Variants in ABTB3 observed in about 807,000 individuals in gnomAD.
ABTB3 encodes ankyrin repeat and BTB domain containing 3.
the ABTB3 span, among the ~76,000 whole-genome samples, chr12:107,341,208 T>A: frequency 1.3e-5 from 2 of 152,166 alleles, no homozygotes; most frequent in African/African-American, 4.8e-5. Flanking sequence ...ATGGTTTTGC[T>A]CCTGACACAC....
At chr12:107,507,573 C>T in the ABTB3 span, among the ~76,000 whole-genome samples, 359 of 152,272 alleles carry the variant, frequency 2.4e-3, 1 homozygote, top group Non-Finnish European at 4.5e-3. Context: ...CAGTGATATA[C>T]GAGCCCCTCA....
the ABTB3 span, among the ~76,000 whole-genome samples, chr12:107,519,331 CT>C: frequency 1.3e-3 from 177 of 139,982 alleles, no homozygotes; most frequent in African/African-American, 1.3e-3. Context: ...TTTTCTTTTT[CT>C]TTTTTTTTTT....
At chr12:107,384,464 C>G in the ABTB3 span, among the ~76,000 whole-genome samples, 1 of 152,172 alleles carries the variant, frequency 6.6e-6, no homozygotes, top group East Asian at 1.9e-4. Context: ...TCTTTGTTCC[C>G]TAAGTGCATC....
chr12:107,330,458 G>A, the ABTB3 span, among the ~76,000 whole-genome samples: 1 of 152,144 alleles, frequency 6.6e-6, no homozygotes, highest in African/African-American at 2.4e-5. Flanking sequence ...AATAAGTAGA[G>A]AACTCAATTT....
the ABTB3 span, among the ~76,000 whole-genome samples, chr12:107,359,766 GC>G: frequency 6.6e-6 from 1 of 152,062 alleles, no homozygotes; most frequent in East Asian, 1.9e-4. Context: ...AAAAAGCCAA[GC>G]CTCAGGGACT....
chr12:107,482,724 C>T, the ABTB3 span, among the ~76,000 whole-genome samples: 1 of 152,074 alleles, frequency 6.6e-6, no homozygotes. Flanking sequence ...TATAGGATAT[C>T]TCCTCTTCCT....
At chr12:107,320,399 C>A in the ABTB3 span, among the ~76,000 whole-genome samples, 1 of 152,248 alleles carries the variant, frequency 6.6e-6, no homozygotes, top group Non-Finnish European at 1.5e-5. Context: ...AGATCATTTG[C>A]GCTTAGTACA....
chr12:107,353,160 T>C, the ABTB3 span, among the ~76,000 whole-genome samples: 4 of 152,132 alleles, frequency 2.6e-5, no homozygotes, highest in South Asian at 8.3e-4. Flanking sequence ...TCTTTGGAGT[T>C]TCTGAACAGC....
At chr12:107,424,826 A>G in the ABTB3 span, among the ~76,000 whole-genome samples, 1 of 151,960 alleles carries the variant, frequency 6.6e-6, no homozygotes, top group East Asian at 1.9e-4. Flanking sequence ...CCAGCTCCTC[A>G]CCTGAACTCC....
the ABTB3 span, among the ~76,000 whole-genome samples, chr12:107,517,320 C>T: frequency 6.6e-6 from 1 of 152,152 alleles, no homozygotes; most frequent in Non-Finnish European, 1.5e-5. Flanking sequence ...CAGCTTTGTT[C>T]TTTTGGCTTA....
chr12:107,424,575 G>A, the ABTB3 span, among the ~76,000 whole-genome samples: 11 of 152,310 alleles, frequency 7.2e-5, no homozygotes, highest in East Asian at 5.8e-4. Flanking sequence ...CTTTGAATGC[G>A]TGGCTCCATC....
the ABTB3 span, chr12:107,642,059 T>C: frequency 6.2e-7 from 1 of 1,600,516 alleles, no homozygotes. Flanking sequence ...TGTGTGAGTC[T>C]TTTTTATCTC....
At chr12:107,475,057 A>AT in the ABTB3 span, among the ~76,000 whole-genome samples, 1 of 152,152 alleles carries the variant, frequency 6.6e-6, no homozygotes, top group African/African-American at 2.4e-5. Context: ...TCTCAGGGTG[A>AT]TTTTTTAAGT....
chr12:107,564,187 G>A, the ABTB3 span, among the ~76,000 whole-genome samples: 1 of 150,102 alleles, frequency 6.7e-6, no homozygotes, highest in Non-Finnish European at 1.5e-5. Flanking sequence ...GTTGGGAGGG[G>A]CTCTGAAAGT....
chr12:107,619,905 C>T, the ABTB3 span: 1 of 1,344,580 alleles, frequency 7.4e-7, no homozygotes, highest in Non-Finnish European at 9.9e-7. Flanking sequence ...AAAAACTCGC[C>T]TGCTCCTCTG....
At chr12:107,437,797 A>G in the ABTB3 span, among the ~76,000 whole-genome samples, 1 of 152,148 alleles carries the variant, frequency 6.6e-6, no homozygotes, top group Non-Finnish European at 1.5e-5. Flanking sequence ...AATTTAATTA[A>G]TTATATCCAC....
At chr12:107,504,380 A>AACAC in the ABTB3 span, among the ~76,000 whole-genome samples, 152 of 150,998 alleles carry the variant, frequency 1.0e-3, 1 homozygote, top group African/African-American at 3.2e-3. Flanking sequence ...CATGCCCGTA[A>AACAC]ACACACACAC....
the ABTB3 span, among the ~76,000 whole-genome samples, chr12:107,542,261 G>A: frequency 4.2e-5 from 6 of 143,434 alleles, no homozygotes; most frequent in African/African-American, 1.3e-4. Context: ...GCAGTGAGCC[G>A]AGATCGCACC....
At chr12:107,370,456 G>T in the ABTB3 span, among the ~76,000 whole-genome samples, 1 of 152,236 alleles carries the variant, frequency 6.6e-6, no homozygotes, top group East Asian at 1.9e-4. Flanking sequence ...AATGTTGGAC[G>T]AGTCCTCAGA....
Sources: allele counts gnomAD v4.1 joint callset (sites outside exome capture counted in the v4.1 genomes callset), GRCh38; gene constraint gnomAD v4.1.1; transcripts MANE v1.5; gene names NCBI Gene and HGNC (gene_info 2026-07-23, HGNC 2026-07-21).